DCLK1: variants seen among roughly 807,000 people sequenced by gnomAD.
DCLK1 encodes the protein serine/threonine-protein kinase DCLK1.
A neutral mutation model predicts 86.2 loss-of-function variants in DCLK1; 16 were observed. The ratio of observed to expected loss-of-function variants is 0.19; its 90% confidence interval spans 0.13 to 0.28. The LOEUF (loss-of-function observed/expected upper bound fraction) is 0.28. Ranked by LOEUF, DCLK1 falls within the 10% of genes least tolerant of loss-of-function variation. DCLK1 has a pLI of 1.00. For missense variants in DCLK1, 590 were observed against 940.2 expected, an observed-to-expected ratio of 0.63 and a Z score of 4.87; for synonymous variants, 369 against 370.5, an observed-to-expected ratio of 1.00 and a Z score of 0.05.
At chr13:35,859,856 T>A (rs555999113) in intron 5 of DCLK1, among the ~76,000 whole-genome samples, 1 of 151,540 alleles carries the variant, frequency 6.6e-6, no homozygotes, top group South Asian at 2.1e-4. Flanking sequence ...TTCATTGCCC[T>A]TTTAAATGAC....
At chr13:36,088,691 C>T (rs567756443) in intron 3 of DCLK1, among the ~76,000 whole-genome samples, 7 of 152,252 alleles carry the variant, frequency 4.6e-5, no homozygotes, top group Non-Finnish European at 8.8e-5. Flanking sequence ...CCGGGGTTCC[C>T]GATGTACCTT....
At chr13:35,837,252 A>G (rs1260281679) in intron 7 of DCLK1, among the ~76,000 whole-genome samples, 1 of 152,266 alleles carries the variant, frequency 6.6e-6, no homozygotes, top group Non-Finnish European at 1.5e-5. Context: ...CTCAGTTGGC[A>G]TCAATCTGAA....
chr13:36,103,449 T>C (rs1341856482), intron 3 of DCLK1, among the ~76,000 whole-genome samples: 2 of 149,402 alleles, frequency 1.3e-5, no homozygotes, highest in Non-Finnish European at 3.0e-5. Flanking sequence ...GACCGAAATA[T>C]GAGCAAGGGT....
chr13:35,949,847 C>T (rs535999473), intron 3 of DCLK1, among the ~76,000 whole-genome samples: 123 of 69,598 alleles, frequency 1.8e-3, no homozygotes, highest in Non-Finnish European at 2.7e-3. Flanking sequence ...TTTTGGCAAG[C>T]GGGAAATGAA....
chr13:36,105,252 GATTAGTCATTATAA>G (rs563752487), intron 3 of DCLK1, among the ~76,000 whole-genome samples: 213 of 151,048 alleles, frequency 1.4e-3, no homozygotes, highest in African/African-American at 4.9e-3. Flanking sequence ...AGGAAAATAT[GATTAGTCATTATAA>G]AAGGATAATT....
At chr13:36,020,965 A>C (rs2153150552) in intron 3 of DCLK1, among the ~76,000 whole-genome samples, 1 of 152,286 alleles carries the variant, frequency 6.6e-6, no homozygotes, top group South Asian at 2.1e-4. Flanking sequence ...CAAATATATA[A>C]GTATGTAAAT....
At chr13:35,871,106 A>T in intron 5 of DCLK1, 118 bp downstream of exon 5, 1 of 816,234 alleles carries the variant, frequency 1.2e-6, no homozygotes, top group South Asian at 1.8e-5. Flanking sequence ...GATGTTCTAA[A>T]ATTATAAACC....
At chr13:35,916,242 C>T (rs1875400088) in intron 4 of DCLK1, among the ~76,000 whole-genome samples, 1 of 152,218 alleles carries the variant, frequency 6.6e-6, no homozygotes, top group African/African-American at 2.4e-5. Flanking sequence ...AACACAGAAA[C>T]TGATCAGCTA....
intron 3 of DCLK1, among the ~76,000 whole-genome samples, chr13:36,075,261 C>T (rs988828370): frequency 6.6e-6 from 1 of 152,190 alleles, no homozygotes; most frequent in Non-Finnish European, 1.5e-5. Flanking sequence ...TGACTCTGCT[C>T]ATGTATAAAA....
intron 3 of DCLK1, among the ~76,000 whole-genome samples, chr13:36,038,198 T>C (rs923001653): frequency 6.6e-6 from 1 of 152,198 alleles, no homozygotes; most frequent in Non-Finnish European, 1.5e-5. Flanking sequence ...CTTGTTACCT[T>C]GCTTGCTAAG....
In DCLK1 at chr13:35,854,647, A is replaced by T. The variant is rs935578083; in HGVS notation, c.941-54T>A. 3 of 1,436,268 alleles carry T rather than the reference A, an allele frequency of 2.1e-6. No individual in the cohort carries two copies. In the African/African-American group the frequency reaches 4.3e-5, roughly 21 times the overall value. 89.0% of individuals were successfully genotyped at this position (1,436,268 alleles called of 1,614,324 possible). A position where few individuals can be genotyped will look rare whatever the true frequency, so the allele number is the denominator to read the frequency against. ...AAAAATGGCACGTTAAATAATTTTC[A>T]TGACAAATCATCTTCTGCAAGAAAT... On this transcript the variant is annotated intron_variant, in intron 5 of 16. Coordinates refer to ENST00000360631, the MANE Select transcript of DCLK1 (RefSeq NM_001330071.2).
chr13:36,080,780 C>T (rs1884395160), intron 3 of DCLK1, among the ~76,000 whole-genome samples: 1 of 152,164 alleles, frequency 6.6e-6, no homozygotes, highest in African/African-American at 2.4e-5. Context: ...TGAGGAATCC[C>T]TTTCTGTTAT....
chr13:35,981,488 T>C lies in DCLK1; in HGVS notation c.724-34031A>G, dbSNP rs1025602293. Among the ~76,000 whole-genome samples the C allele has an allele frequency of 3.9e-5, 6 of 152,216 alleles. No individual in the cohort carries two copies. The South Asian group carries it at 1.0e-3, about 26-fold the overall frequency. On this transcript the variant is annotated intron_variant, in intron 3 of 16. Coordinates refer to ENST00000360631, the MANE Select transcript of DCLK1 (RefSeq NM_001330071.2). ...CAACTGATGAACCTACATTGCCACA[T>C]CACTACCACCCAGAATCCATGGTTT...
intron 3 of DCLK1, among the ~76,000 whole-genome samples, chr13:35,949,222 T>G (rs1221170301): frequency 6.6e-6 from 1 of 152,230 alleles, no homozygotes; most frequent in Non-Finnish European, 1.5e-5. Context: ...TGGAAAATAT[T>G]TGTTTCCAAA....
At chr13:36,014,485 C>A (rs1881450565) in intron 3 of DCLK1, among the ~76,000 whole-genome samples, 1 of 152,072 alleles carries the variant, frequency 6.6e-6, no homozygotes, top group African/African-American at 2.4e-5. Context: ...ATGCTTACAA[C>A]CTATGACTGT....
chr13:35,909,479 T>TG (rs1874876058), intron 4 of DCLK1, among the ~76,000 whole-genome samples: 1 of 152,016 alleles, frequency 6.6e-6, no homozygotes, highest in Non-Finnish European at 1.5e-5. Context: ...ATCTGCTAGG[T>TG]GGGATGATAC....
intron 3 of DCLK1, among the ~76,000 whole-genome samples, chr13:36,040,265 T>G (rs1211335056): frequency 6.6e-6 from 1 of 150,446 alleles, no homozygotes; most frequent in Non-Finnish European, 1.5e-5. Context: ...GTTGTTTTCT[T>G]AGGGTCCTTT....
chr13:35,813,505 T>G (rs1003477591), intron 11 of DCLK1, among the ~76,000 whole-genome samples: 2 of 152,106 alleles, frequency 1.3e-5, no homozygotes, highest in Non-Finnish European at 2.9e-5. Context: ...ACCAATTATA[T>G]TTAATATGAA....
chr13:35,783,162 C>T (rs1014577536), intron 16 of DCLK1, among the ~76,000 whole-genome samples: 3 of 152,230 alleles, frequency 2.0e-5, no homozygotes, highest in African/African-American at 7.2e-5. Flanking sequence ...TAAACATATA[C>T]ATTACTGAGC....
Sources: gnomAD v4.1 joint callset for allele counts (sites outside exome capture counted in the v4.1 genomes callset) on GRCh38, gnomAD v4.1.1 for gene constraint, MANE v1.5 for transcripts, NCBI Gene and HGNC (gene_info 2026-07-23, HGNC 2026-07-21) for gene names.